WDFY4: variants seen among roughly 807,000 people sequenced by gnomAD.
WDFY4 encodes WDFY family member 4.
In WDFY4, 169 loss-of-function variants were observed where a neutral mutation model predicts 351.9. The ratio of observed to expected loss-of-function variants is 0.48; its 90% CI spans 0.42 to 0.55. WDFY4 has a LOEUF of 0.55. Among genes scored for constraint, WDFY4 ranks in the 20% least tolerant of loss-of-function variants. WDFY4 has a pLI of 0.00. For missense variants in WDFY4, 3,803 were observed against 3,935.6 expected (o/e 0.97, Z 0.90); for synonymous variants, 1,622 against 1,574.6 (o/e 1.03, Z -0.71).
Position 48,743,393 on chromosome 10 carries a change from C to G in WDFY4, c.2304C>G (p.Gly768=), listed in dbSNP as rs1343936196. 1.3e-6 allele frequency: 2 copies of G among 1,551,538 alleles called. No homozygotes were observed. The highest frequency in any genetic ancestry group is 8.7e-7 in the Non-Finnish European group (1 of 1,147,004). ...TACAGAGCTGCCTCCAGATCCTTGG[C>G]TTTCTGGACAGCATGGCCAGCGGCA... ...PRIQSCLQIL[G]FLDSMASGTL... The change falls in exon 12 of 62, where the codon GGC becomes GGG. Residue 768 remains glycine, a synonymous_variant. Transcript: ENST00000325239.
chr10:48,829,415 G>A (rs2068113711), intron 37 of WDFY4, among the ~76,000 whole-genome samples: 1 of 152,192 alleles, frequency 6.6e-6, no homozygotes, highest in Non-Finnish European at 1.5e-5. Context: ...AAAGGGATTA[G>A]CAGTTATTTT....
chr10:48,947,228 A>G (rs1415731056), intron 51 of WDFY4, among the ~76,000 whole-genome samples: 1 of 152,198 alleles, frequency 6.6e-6, no homozygotes, highest in East Asian at 1.9e-4. Flanking sequence ...GAAATGAGAC[A>G]TGAAAAAAAT....
At chr10:48,721,449 T>A in intron 4 of WDFY4, 82 bp downstream of exon 4, 1 of 1,228,964 alleles carries the variant, frequency 8.1e-7, no homozygotes, top group Non-Finnish European at 1.2e-6. Flanking sequence ...TGGTGGCATA[T>A]CCCAAGAGGG....
intron 47 of WDFY4, among the ~76,000 whole-genome samples, chr10:48,910,617 A>G (rs1837911349): frequency 6.6e-6 from 1 of 152,178 alleles, no homozygotes; most frequent in African/African-American, 2.4e-5. Context: ...TTCCTGGCTA[A>G]AGAGGTGTCT....
At chr10:48,950,106 C>T (rs1841249303) in intron 51 of WDFY4, among the ~76,000 whole-genome samples, 1 of 152,148 alleles carries the variant, frequency 6.6e-6, no homozygotes, top group African/African-American at 2.4e-5. Flanking sequence ...TCATTAAGTG[C>T]ATACACATGG....
At chr10:48,832,448 TTC>T in intron 38 of WDFY4, 123 bp from the exon 39 acceptor site, 1 of 1,181,940 alleles carries the variant, frequency 8.5e-7, no homozygotes, top group South Asian at 1.8e-5. Context: ...CCTGGGTTGT[TTC>T]TCTTTTTGGA....
chr10:48,953,987 C>T (rs1184954758), intron 51 of WDFY4, among the ~76,000 whole-genome samples: 3 of 152,170 alleles, frequency 2.0e-5, no homozygotes, highest in Admixed American at 6.5e-5. Context: ...GCCATCATAC[C>T]ATAATTATAG....
At position 48,736,417 on chromosome 10, in the gene WDFY4, T is replaced by G. The variant is rs142907047; in HGVS notation, c.1878+347T>G. Among the ~76,000 whole-genome samples, 44 of 152,384 alleles carry G rather than the reference T, an allele frequency of 2.9e-4. No individual in the cohort carries two copies. The East Asian group carries it at 7.5e-3, about 26-fold the overall frequency. Reference sequence around the variant, plus strand: ...GGCCTAGAACTGGCACGGGTTATTTTCTGTCCAATTTTCTTTAGGAAGAAC... The same window carrying G: ...GGCCTAGAACTGGCACGGGTTATTTGCTGTCCAATTTTCTTTAGGAAGAAC... On this transcript the variant is annotated intron_variant, in intron 11 of 61. Transcript: ENST00000325239.
In WDFY4 at chr10:48,935,903, CT is replaced by C. The variant is rs11455025; in HGVS notation, c.7587-5893del. Among the ~76,000 whole-genome samples the C allele has an allele frequency of 2.8e-3, 415 of 149,386 alleles. 1 individual carries two copies. Among genetic ancestry groups the C allele is most frequent in the African/African-American group, 9.7e-3 (395 of 40,868 alleles). ...AATTATCTATTTGTGCATCTATGGT[CT>C]TTTTTTTTTCAGTTTTTTTCTTACA... is the stretch of plus-strand genomic sequence containing the variant. On this transcript the variant is annotated intron_variant, in intron 47 of 61. Transcript: ENST00000325239.
At chr10:48,883,624 C>T (rs1437486237) in intron 43 of WDFY4, among the ~76,000 whole-genome samples, 1 of 152,188 alleles carries the variant, frequency 6.6e-6, no homozygotes, top group Non-Finnish European at 1.5e-5. Flanking sequence ...ACTCCTCCTC[C>T]CCTACCGTCT....
Position 48,966,889 on chromosome 10 carries a change from C to T in WDFY4, c.8584+216C>T, listed in dbSNP as rs1037037767. ...TTAGACCCTAACTTCTGAAGACCCA[C>T]GTCTCTCTGTCTTTCTGTCTGTCTC... On this transcript the variant is annotated intron_variant, in intron 55 of 61. Transcript: ENST00000325239. 4.6e-5 allele frequency: 27 copies of T among 590,590 alleles called. No individual in the cohort carries two copies. The South Asian group carries it at 4.9e-4, about 11-fold the overall frequency. 36.6% of individuals were successfully genotyped at this position (590,590 alleles called of 1,614,324 possible). A position where few individuals can be genotyped will look rare whatever the true frequency, so the allele number is the denominator to read the frequency against.
chr10:48,943,265 G>T, intron 48 of WDFY4, 65 bp from the exon 49 acceptor site: 1 of 1,531,180 alleles, frequency 6.5e-7, no homozygotes, highest in Non-Finnish European at 8.8e-7. Flanking sequence ...CCTGAGGGTG[G>T]GACCCATGGC....
chr10:48,883,671 T>C (rs1428308853), intron 43 of WDFY4, among the ~76,000 whole-genome samples: 1 of 152,162 alleles, frequency 6.6e-6, no homozygotes, highest in East Asian at 1.9e-4. Flanking sequence ...GCTGGACACA[T>C]GGCACAGGAG....
In WDFY4 at chr10:48,796,283, T is replaced by G; in HGVS notation, c.4258-15T>G. ...ATGCATTCATGAGGAAACTGCTTTG[T>G]GTTAACCTTTTCAGATAATGGCGTT... On this transcript the variant is annotated splice_polypyrimidine_tract_variant and intron_variant, in intron 23 of 61. Transcript: ENST00000325239. 6.4e-7 allele frequency: 1 copy of G among 1,550,656 alleles called. No homozygotes were observed. Among genetic ancestry groups the G allele is most frequent in the Non-Finnish European group, 8.7e-7 (1 of 1,146,204 alleles).
At chr10:48,979,425 C>T (rs765267118) in intron 60 of WDFY4, among the ~76,000 whole-genome samples, 19 of 152,244 alleles carry the variant, frequency 1.2e-4, no homozygotes, top group Non-Finnish European at 2.4e-4. Flanking sequence ...TGAGACTGCA[C>T]ACCATTTTAG....
chr10:48,685,909 G>C (rs76405344), intron 1 of WDFY4, among the ~76,000 whole-genome samples: 1,938 of 151,928 alleles, frequency 0.013, 49 homozygotes, highest in African/African-American at 0.045. Context: ...AGCAGGTAGG[G>C]TGGGGGTCTT....
In WDFY4 at chr10:48,743,550, T is replaced by C; in HGVS notation, c.2459+2T>C. 6.5e-7 allele frequency: 1 copy of C among 1,529,166 alleles called. No homozygotes were observed. The allele number at this position is 1,529,166 out of a possible 1,614,324, so 94.7% of individuals were successfully genotyped here. ...GCAGTGGCCAGACCTGGAGGAGAGG[T>C]AGCTTCTTCTGCCAGTGTGTCATCA... On this transcript the variant is annotated splice_donor_variant, in intron 12 of 61. Transcript: ENST00000325239. LOFTEE classifies it high-confidence loss of function.
intron 13 of WDFY4, among the ~76,000 whole-genome samples, chr10:48,765,025 G>C (rs117784980): frequency 0.018 from 2,783 of 152,330 alleles, 51 homozygotes; most frequent in Non-Finnish European, 0.028. Flanking sequence ...GAAGCATAAA[G>C]ATGCCTATTT....
Position 48,796,898 on chromosome 10 carries a change from A to G in WDFY4, c.4410+448A>G, listed in dbSNP as rs1469286456. Among the ~76,000 whole-genome samples the G allele has an allele frequency of 1.1e-4, 17 of 152,214 alleles. 1 individual carries two copies. Among genetic ancestry groups the G allele is most frequent in the Admixed American group, 1.1e-3 (17 of 15,278 alleles). ...AAGGACACGCCTGAGGCTGAGGAGC[A>G]TCGCACACAACTGCTGTGGGTGGAT... On this transcript the variant is annotated intron_variant, in intron 24 of 61. Coordinates refer to ENST00000325239, the MANE Select transcript of WDFY4 (RefSeq NM_001394531.1).
Sources: gnomAD v4.1 joint callset for allele counts (sites outside exome capture counted in the v4.1 genomes callset) on GRCh38, gnomAD v4.1.1 for gene constraint, MANE v1.5 for transcripts, NCBI Gene and HGNC (gene_info 2026-07-23, HGNC 2026-07-21) for gene names.